Variants in CELF4 observed in about 807,000 individuals in gnomAD.
CELF4 encodes CUG-BP- and ETR-3-like factor 4.
In CELF4, 18 loss-of-function variants were observed where a neutral mutation model predicts 59.9. That is an observed-to-expected ratio of 0.30 (90% CI 0.21 to 0.45). The LOEUF is 0.45. Among genes scored for constraint, CELF4 ranks in the 20% least tolerant of loss-of-function variants. The probability of loss-of-function intolerance (pLI) is 1.00; values close to 1 mark genes in which losing one functional copy is unlikely to be tolerated. For missense variants in CELF4, 456 were observed against 689.0 expected (o/e 0.66, Z 3.79); for synonymous variants, 261 against 267.1 (o/e 0.98, Z 0.22).
At chr18:37,247,794 G>GA (rs1295215967) in intron 12 of CELF4, among the ~76,000 whole-genome samples, 1 of 151,904 alleles carries the variant, frequency 6.6e-6, no homozygotes, top group African/African-American at 2.4e-5. Context: ...AAGGGGGCCA[G>GA]AAAAAAAATA....
At chr18:37,262,406 G>GC (rs962948846) in intron 10 of CELF4, among the ~76,000 whole-genome samples, 4 of 149,988 alleles carry the variant, frequency 2.7e-5, no homozygotes, top group Admixed American at 6.6e-5. Flanking sequence ...GGGTGGGGGA[G>GC]GGGGGGGCAG....
At chr18:37,413,267 T>A (rs1413646230) in intron 2 of CELF4, among the ~76,000 whole-genome samples, 1 of 152,178 alleles carries the variant, frequency 6.6e-6, no homozygotes, top group African/African-American at 2.4e-5. Context: ...TGGGTGGACA[T>A]GTGTGTTTTA....
intron 12 of CELF4, among the ~76,000 whole-genome samples, chr18:37,252,881 C>T (rs1191339583): frequency 6.6e-6 from 1 of 151,804 alleles, no homozygotes; most frequent in African/African-American, 2.4e-5. Context: ...GGTCAGAGGG[C>T]AGCAGGGTGC....
chr18:37,414,414 C>T (rs1396855211), intron 2 of CELF4, among the ~76,000 whole-genome samples: 3 of 151,952 alleles, frequency 2.0e-5, no homozygotes, highest in African/African-American at 7.3e-5. Context: ...ACCCACTTAC[C>T]CATCCATTCA....
At chr18:37,421,254 G>A (rs1027838902) in intron 2 of CELF4, among the ~76,000 whole-genome samples, 2 of 152,242 alleles carry the variant, frequency 1.3e-5, no homozygotes, top group Non-Finnish European at 1.5e-5. Flanking sequence ...AGCATGTTAT[G>A]AGTAGGGCTG....
At chr18:37,494,677 G>A (rs2154603616) in intron 1 of CELF4, among the ~76,000 whole-genome samples, 1 of 152,314 alleles carries the variant, frequency 6.6e-6, no homozygotes, top group South Asian at 2.1e-4. Context: ...GACTGGGAGA[G>A]GCCCTGAGAT....
rs7227489 is a variant in CELF4, at chr18:37,272,233, G to T, written c.949+783C>A. On this transcript the variant is annotated intron_variant, in intron 7 of 12. Coordinates refer to ENST00000420428, the MANE Select transcript of CELF4 (RefSeq NM_020180.4). ...CAACTTTGACACTATTACCATCTGGGGCCAGATAGTTCCTTGTGGTGGCTG... is the reference window on the plus strand; with the variant it reads ...CAACTTTGACACTATTACCATCTGGTGCCAGATAGTTCCTTGTGGTGGCTG... 9.1e-3 allele frequency among the ~76,000 whole-genome samples: 1,386 copies of T among 152,144 alleles called. 29 individuals carry two copies. The highest frequency in any genetic ancestry group is 0.032 in the African/African-American group (1,315 of 41,486).
At chr18:37,523,553 G>A (rs1028132774) in intron 1 of CELF4, among the ~76,000 whole-genome samples, 7 of 152,304 alleles carry the variant, frequency 4.6e-5, no homozygotes, top group Admixed American at 3.3e-4. Flanking sequence ...GAGAACAGGC[G>A]GCAAAACTCG....
intron 2 of CELF4, among the ~76,000 whole-genome samples, chr18:37,441,271 T>C (rs1029129727): frequency 2.5e-5 from 3 of 119,200 alleles, no homozygotes; most frequent in Non-Finnish European, 5.1e-5. Context: ...AACTCAACAA[T>C]GCTGTGTGTG....
chr18:37,330,482 TAGAGAGGGGTTAG>T (rs1461238265), intron 2 of CELF4, among the ~76,000 whole-genome samples: 2 of 152,194 alleles, frequency 1.3e-5, no homozygotes, highest in Admixed American at 1.3e-4. Flanking sequence ...GTGCGTTCCA[TAGAGAGGGGTTAG>T]AGATTCAAGA....
intron 2 of CELF4, among the ~76,000 whole-genome samples, chr18:37,461,089 A>G (rs1038981054): frequency 6.6e-6 from 1 of 152,180 alleles, no homozygotes; most frequent in East Asian, 1.9e-4. Context: ...TGCCTGCGGT[A>G]TGAGAGGCTT....
At chr18:37,332,806 G>A (rs544817566) in intron 2 of CELF4, among the ~76,000 whole-genome samples, 1 of 152,352 alleles carries the variant, frequency 6.6e-6, no homozygotes, top group Admixed American at 6.5e-5. Flanking sequence ...TGACCATGCT[G>A]CTGCTGGGCT....
At chr18:37,512,183 G>C (rs908844617) in intron 1 of CELF4, among the ~76,000 whole-genome samples, 1 of 152,164 alleles carries the variant, frequency 6.6e-6, no homozygotes, top group Admixed American at 6.5e-5. Context: ...CCTTGGAAGA[G>C]AATCTGTCTT....
chr18:37,256,848 G>A (rs1341733451), intron 11 of CELF4, among the ~76,000 whole-genome samples: 8 of 152,184 alleles, frequency 5.3e-5, no homozygotes, highest in Non-Finnish European at 1.5e-5. Flanking sequence ...GCCTCCCAAA[G>A]TGCTGGGATT....
At chr18:37,274,038 G>C (rs1265888258) in intron 6 of CELF4, 1 of 1,298,848 alleles carries the variant, frequency 7.7e-7, no homozygotes, top group African/African-American at 1.6e-5. Context: ...AAGGCTCAGG[G>C]TAACCCACTT....
At position 37,254,861 on chromosome 18, in the gene CELF4, T is replaced by TG. The variant is rs2068191513; in HGVS notation, c.1334-924_1334-923insC. On this transcript the variant is annotated intron_variant, in intron 11 of 12. Coordinates refer to ENST00000420428, the MANE Select transcript of CELF4 (RefSeq NM_020180.4). This position sits in a 1 kb window ranked among gnomAD's most constrained non-coding sequence, Gnocchi z 5.1. ...CTTTGGGGAACTCTGAATGCATCTC[T>TG]TCATACAGACAACATTTTACATCAG... Among the ~76,000 whole-genome samples the TG allele has an allele frequency of 3.9e-5, 6 of 152,330 alleles. No individual in the cohort carries two copies. The highest frequency in any genetic ancestry group is 1.4e-4 in the African/African-American group (6 of 41,586).
intron 7 of CELF4, among the ~76,000 whole-genome samples, chr18:37,271,239 G>T (rs1197869665): frequency 1.3e-5 from 2 of 149,062 alleles, no homozygotes; most frequent in Non-Finnish European, 3.0e-5. Context: ...AACCACACTT[G>T]GTCTTCCTTC....
chr18:37,425,702 A>G (rs979091316), intron 2 of CELF4, among the ~76,000 whole-genome samples: 3 of 152,248 alleles, frequency 2.0e-5, no homozygotes, highest in Non-Finnish European at 4.4e-5. Context: ...GGAGACTTCT[A>G]GGGCCAGGAG....
chr18:37,325,035 AG>A (rs1399636005), intron 2 of CELF4, among the ~76,000 whole-genome samples: 1 of 151,978 alleles, frequency 6.6e-6, no homozygotes, highest in Non-Finnish European at 1.5e-5. Context: ...GGGGAAAGAG[AG>A]GAGAGCAGGG....
Sources: gnomAD v4.1 joint callset for allele counts (sites outside exome capture counted in the v4.1 genomes callset) on GRCh38, gnomAD v4.1.1 for gene constraint, Gnocchi (gnomAD v3.1) non-coding constraint, MANE v1.5 for transcripts, NCBI Gene and HGNC (gene_info 2026-07-23, HGNC 2026-07-21) for gene names.